Variants in ATAD1 observed in about 807,000 individuals in gnomAD.
ATAD1 encodes ATPase family AAA domain containing 1.
ATAD1 carries 18 observed loss-of-function variants against 42.7 expected under a neutral mutation model. The ratio of observed to expected loss-of-function variants is 0.42; its 90% confidence interval spans 0.29 to 0.63. ATAD1 has a LOEUF of 0.63. Ranked by LOEUF, ATAD1 falls within the 20% of genes least tolerant of loss-of-function variation. ATAD1 has a pLI of 0.19. For missense variants in ATAD1, 294 were observed against 440.4 expected, an observed-to-expected ratio of 0.67 and a Z score of 2.98; for synonymous variants, 132 against 143.1, an observed-to-expected ratio of 0.92 and a Z score of 0.55.
intron 1 of ATAD1, among the ~76,000 whole-genome samples, chr10:87,835,983 A>G (rs1312522914): frequency 6.6e-6 from 1 of 152,182 alleles, no homozygotes; most frequent in Non-Finnish European, 1.5e-5. Flanking sequence ...TATTGCATTT[A>G]CATACACTGA....
At chr10:87,792,623 T>TAAA in intron 3 of ATAD1, 34 bp downstream of exon 3, 9 of 806,050 alleles carry the variant, frequency 1.1e-5, no homozygotes, top group Non-Finnish European at 1.4e-5. Flanking sequence ...CCCCCACCTC[T>TAAA]AAAAAAATCT....
intron 5 of ATAD1, among the ~76,000 whole-genome samples, chr10:87,780,535 T>C (rs74146209): frequency 0.013 from 1,995 of 152,248 alleles, 40 homozygotes; most frequent in African/African-American, 0.044. Flanking sequence ...GGGAACTCTC[T>C]ATATGATTTC....
In ATAD1 at chr10:87,838,461, C is replaced by CAAA. The variant is rs770282016; in HGVS notation, c.-14+2723_-14+2725dup. Among the ~76,000 whole-genome samples the CAAA allele has an allele frequency of 1.1e-3, 48 of 42,638 alleles. 3 individuals are homozygous for CAAA. The highest frequency in any genetic ancestry group is 3.0e-3 in the African/African-American group (34 of 11,296). The allele number at this position is 42,638 out of a possible 152,430, so 28.0% of individuals were successfully genotyped here. On this transcript the variant is annotated intron_variant, in intron 1 of 4. Coordinates refer to the ATAD1 transcript ENST00000495903. ...TGGGTGACAGAGTGAGACTCTATCT[C>CAAA]AAAAAAAAAAAAAAAAAAAAAAAAA...
chr10:87,815,130 C>T (rs1857355718), intron 1 of ATAD1, among the ~76,000 whole-genome samples: 1 of 152,046 alleles, frequency 6.6e-6, no homozygotes, highest in South Asian at 2.1e-4. Flanking sequence ...TAAATTTAAA[C>T]ATGCCATTTC....
intron 2 of ATAD1, among the ~76,000 whole-genome samples, chr10:87,813,184 A>G (rs879631185): frequency 1.3e-5 from 2 of 152,076 alleles, no homozygotes; most frequent in African/African-American, 4.8e-5. Flanking sequence ...AGCCAAGGGG[A>G]AAAAAAGACA....
At chr10:87,786,324 G>GT (rs1162739438) in intron 4 of ATAD1, among the ~76,000 whole-genome samples, 1 of 152,154 alleles carries the variant, frequency 6.6e-6, no homozygotes, top group Non-Finnish European at 1.5e-5. Flanking sequence ...TGTTGACTTT[G>GT]TAGCTACTCT....
intron 8 of ATAD1, among the ~76,000 whole-genome samples, chr10:87,759,471 T>C (rs1414803636): frequency 6.6e-6 from 1 of 152,218 alleles, no homozygotes. Context: ...AACAAACTAC[T>C]TTAAAGAGCT....
intron 2 of ATAD1, among the ~76,000 whole-genome samples, chr10:87,811,103 C>T (rs754152535): frequency 7.9e-5 from 12 of 152,186 alleles, no homozygotes; most frequent in Middle Eastern, 6.8e-3. Flanking sequence ...GAGGCCAAAG[C>T]GGGCAGATCA....
rs201541145 is a variant in ATAD1, at chr10:87,754,820, C to G, written c.966-13G>C. 6.3e-5 allele frequency: 102 copies of G among 1,607,494 alleles called. No homozygotes were observed. Among genetic ancestry groups the G allele is most frequent in the Non-Finnish European group, 8.4e-5 (99 of 1,175,798 alleles). ...ATCTTCGTCATGGCTAAAATGCAAA[C>G]AAAACCATCAAATACTCAAATAACT... On this transcript the variant is annotated splice_polypyrimidine_tract_variant and intron_variant, in intron 9 of 9. Coordinates refer to ENST00000680024, the MANE Select transcript of ATAD1 (RefSeq NM_001321967.2).
intron 8 of ATAD1, among the ~76,000 whole-genome samples, chr10:87,759,307 C>T (rs569898667): frequency 6.6e-5 from 10 of 151,568 alleles, no homozygotes; most frequent in African/African-American, 1.9e-4. Context: ...TTACCAATGA[C>T]GGTGATAATG....
At position 87,752,043 on chromosome 10, in the gene ATAD1, T is replaced by C. The variant is rs1854038423; in HGVS notation, c.*2644A>G. On this transcript the variant is annotated 3_prime_UTR_variant, in exon 10 of 10. Transcript: ENST00000680024. The stretch of plus-strand genomic sequence containing the variant: ...ACAGCTACTAAATAATGTTAAGCTA[T>C]TATGATGCATACAGAATAGAGTACC... The C allele has an allele frequency of 6.6e-6, 1 of 152,178 alleles. No homozygotes were observed. 9.4% of individuals were successfully genotyped at this position (152,178 alleles called of 1,614,324 possible).
chr10:87,811,597 AC>A (rs1209592442), intron 2 of ATAD1, among the ~76,000 whole-genome samples: 1 of 152,208 alleles, frequency 6.6e-6, no homozygotes, highest in Non-Finnish European at 1.5e-5. Context: ...AGTGACAATT[AC>A]ATTAGAATTT....
At chr10:87,817,974 CG>C (rs1460737967) in intron 1 of ATAD1, 192 bp downstream of exon 1, 11 of 985,422 alleles carry the variant, frequency 1.1e-5, no homozygotes, top group Non-Finnish European at 1.3e-5. Context: ...AGGCGAGGCC[CG>C]GGACGCCCTT....
chr10:87,784,417 A>T lies in ATAD1; in HGVS notation c.583+53T>A, dbSNP rs1039550390. On this transcript the variant is annotated intron_variant, in intron 5 of 9. Coordinates refer to ENST00000680024, the MANE Select transcript of ATAD1 (RefSeq NM_001321967.2). Reference sequence around the variant, plus strand: ...TGTTAAAAACTAAATCTGGTTATCTAAATATCTCTAAAAATGGCCTTTAAA... The same window carrying T: ...TGTTAAAAACTAAATCTGGTTATCTTAATATCTCTAAAAATGGCCTTTAAA... The T allele has an allele frequency of 3.9e-6, 6 of 1,538,968 alleles. No individual in the cohort carries two copies. In the African/African-American group the frequency reaches 8.2e-5, roughly 21 times the overall value.
intron 2 of ATAD1, among the ~76,000 whole-genome samples, chr10:87,793,091 T>A (rs1183811513): frequency 1.3e-5 from 2 of 152,190 alleles, no homozygotes; most frequent in Admixed American, 1.3e-4. Flanking sequence ...AACAGGACTA[T>A]CATGACTGGC....
chr10:87,808,581 A>G (rs553011855), intron 2 of ATAD1, among the ~76,000 whole-genome samples: 5 of 152,128 alleles, frequency 3.3e-5, no homozygotes, highest in Non-Finnish European at 7.4e-5. Flanking sequence ...ACAAAACAAA[A>G]AGAACACTAT....
rs144502830 is a variant in ATAD1, at chr10:87,794,396, G to C, written c.163-1641C>G. On this transcript the variant is annotated intron_variant, in intron 2 of 9. Transcript: ENST00000680024. ...GTCGTTTACATGTCAGTTAAAAAAG[G>C]TATCCTATTTTAGCATCTGAATAAC... Among the ~76,000 whole-genome samples, 4 of 152,168 alleles carry C rather than the reference G, an allele frequency of 2.6e-5. No individual in the cohort carries two copies. In the East Asian group the frequency reaches 7.7e-4, roughly 29 times the overall value.
intron 4 of ATAD1, among the ~76,000 whole-genome samples, chr10:87,787,818 A>G (rs149423594): frequency 7.5e-4 from 115 of 152,354 alleles, no homozygotes; most frequent in African/African-American, 2.7e-3. Flanking sequence ...CTTGAGAAGA[A>G]TATGGGTCTT....
At chr10:87,818,478 C>T (rs1296177335), upstream of ATAD1, 1 of 164,300 alleles carries the variant, frequency 6.1e-6, no homozygotes, top group Non-Finnish European at 1.3e-5. Flanking sequence ...AGGCGCTTAT[C>T]ACAAAAAGTC....
Sources: gnomAD v4.1 joint callset for allele counts (sites outside exome capture counted in the v4.1 genomes callset) on GRCh38, gnomAD v4.1.1 for gene constraint, MANE v1.5 for transcripts, NCBI Gene and HGNC (gene_info 2026-07-23, HGNC 2026-07-21) for gene names.